The following IRAG1 variants were observed in gnomAD, a reference collection of about 807,000 sequenced individuals.
The protein encoded by IRAG1 is IP3R-associated cGMP kinase substrate.
A neutral mutation model predicts 106.2 loss-of-function variants in IRAG1; 62 were observed. The ratio of observed to expected loss-of-function variants is 0.58; its 90% confidence interval spans 0.48 to 0.72. The LOEUF is 0.72. Among genes scored for constraint, IRAG1 ranks in the 30% least tolerant of loss-of-function variants. The pLI is 0.00. For missense variants in IRAG1, 1,064 were observed against 1,140.7 expected, an observed-to-expected ratio of 0.93 and a Z score of 0.97; for synonymous variants, 462 against 443.9, an observed-to-expected ratio of 1.04 and a Z score of -0.51.
intron 2 of IRAG1, among the ~76,000 whole-genome samples, chr11:10,640,160 C>G (rs1473917938): frequency 6.6e-6 from 1 of 152,180 alleles, no homozygotes; most frequent in Non-Finnish European, 1.5e-5. Context: ...CTGATAGGAG[C>G]TTTCTCTGCT....
rs571705877 is a variant in IRAG1, at chr11:10,581,767, T to G, written c.2360+100A>C. ...TGTGGCAAGGAGGTCCTGCGGCCAC[T>G]GGTTACTTCCCTAAAGCCTCTAAGA... is the stretch of plus-strand genomic sequence containing the variant. On this transcript the variant is annotated intron_variant, in intron 19 of 20. Transcript: ENST00000423302. 70 of 1,436,120 alleles carry G rather than the reference T, an allele frequency of 4.9e-5. No homozygotes were observed. In the South Asian group the frequency reaches 9.3e-4, roughly 19 times the overall value. The allele number at this position is 1,436,120 out of a possible 1,614,324, so 89.0% of individuals were successfully genotyped here.
intron 3 of IRAG1, among the ~76,000 whole-genome samples, chr11:10,633,396 T>C (rs1166691133): frequency 6.6e-6 from 1 of 152,180 alleles, no homozygotes; most frequent in Non-Finnish European, 1.5e-5. Context: ...TTTTAACTTT[T>C]TGAAAATTAG....
At position 10,629,609 on chromosome 11, in the gene IRAG1, T is replaced by C. The variant is rs767700500; in HGVS notation, c.503A>G (p.Lys168Arg). The C allele has an allele frequency of 1.2e-6, 2 of 1,614,048 alleles. No individual in the cohort carries two copies. Among genetic ancestry groups the C allele is most frequent in the Non-Finnish European group, 1.7e-6 (2 of 1,179,894 alleles). The stretch of plus-strand genomic sequence containing the variant: ...GGTCAGGAATCGCTCACTCACCAAC[T>C]TGGCTTCTTCCAGCAGCGCCAGGTT... ...KKNLALLEEA[K>R]LVSERFLTRR... The change falls in exon 5 of 21, where the codon AAG (lysine) becomes AGG (arginine). Residue 168 changes from lysine to arginine, a missense_variant. Physicochemically the swap from Lys to Arg is conservative, Grantham distance 26. Transcript: ENST00000423302.
At chr11:10,662,436 C>T (rs566770265) in intron 1 of IRAG1, among the ~76,000 whole-genome samples, 1 of 152,350 alleles carries the variant, frequency 6.6e-6, no homozygotes, top group South Asian at 2.1e-4. Flanking sequence ...CAACTAAAAC[C>T]TCACAAAAGG....
In IRAG1 at chr11:10,580,528, G is replaced by A. The variant is rs563123836; in HGVS notation, c.2422C>T (p.Gln808Ter). 1 of 1,613,764 alleles carries A rather than the reference G, an allele frequency of 6.2e-7. No individual in the cohort carries two copies. The highest frequency in any genetic ancestry group is 1.1e-5 in the South Asian group (1 of 91,082). ...GGTTCCTCAGGACTCTCACTCTTCT[G>A]TTCTTCCTCCTCCTCCTTCAGGTCT... Reference protein sequence around the residue: ...LQDLKEEEEEQKSESPEEPEE... With the variant: ...LQDLKEEEEE Residue 808 changes from glutamine (Q) to a stop codon, truncating the protein, a stop_gained, in exon 20 of 21, where the codon CAG becomes TAG. Coordinates refer to ENST00000423302, the MANE Select transcript of IRAG1 (RefSeq NM_130385.4). LOFTEE classifies it high-confidence loss of function.
intron 1 of IRAG1, among the ~76,000 whole-genome samples, chr11:10,660,977 G>C (rs1859348221): frequency 6.6e-6 from 1 of 152,060 alleles, no homozygotes; most frequent in Non-Finnish European, 1.5e-5. Context: ...CTTACCTCTG[G>C]CCTGGTCCCT....
At chr11:10,608,970 G>T (rs1224923808) in intron 11 of IRAG1, among the ~76,000 whole-genome samples, 1 of 152,144 alleles carries the variant, frequency 6.6e-6, no homozygotes, top group East Asian at 1.9e-4. Flanking sequence ...TTAGGTCTAT[G>T]ATCCATTATG....
Position 10,665,004 on chromosome 11 carries a change from C to T in IRAG1, c.68-12822G>A, listed in dbSNP as rs139128347. Among the ~76,000 whole-genome samples the T allele has an allele frequency of 3.3e-5, 5 of 152,106 alleles. No homozygotes were observed. The highest frequency in any genetic ancestry group is 2.0e-4 in the Admixed American group (3 of 15,266). On this transcript the variant is annotated intron_variant, in intron 1 of 20. Transcript: ENST00000423302. The surrounding 1 kb of genome is among the most constrained non-coding windows in gnomAD (Gnocchi z 4.2). The stretch of plus-strand genomic sequence containing the variant: ...CCCTTTTTTCTTAAGCTGGCTTGTA[C>T]GAGCTTTTTTGGCACTTGCAATAAA...
rs1564914414 is a variant in IRAG1, at chr11:10,626,189, G to A, written c.1145C>T (p.Pro382Leu). 1.3e-6 allele frequency: 2 copies of A among 1,564,080 alleles called. No individual in the cohort carries two copies. The highest frequency in any genetic ancestry group is 2.7e-5 in the African/African-American group (2 of 73,428). ...PEAGSKAELP[P>L]TVSRPPLLRG... Reference sequence around the variant, plus strand: ...CAGCAGCGGGGGCCGGGACACAGTGGGTGGAAGCTCAGCTTTGGAGCCAGC... The same window carrying A: ...CAGCAGCGGGGGCCGGGACACAGTGAGTGGAAGCTCAGCTTTGGAGCCAGC... The change falls in exon 9 of 21, where the codon CCC (proline) becomes CTC (leucine). Residue 382 changes from proline to leucine, a missense_variant. Pro to Leu is a moderately conservative substitution (Grantham distance 98). Transcript: ENST00000423302.
chr11:10,613,099 T>C (rs1055856361), intron 10 of IRAG1, among the ~76,000 whole-genome samples: 2 of 152,082 alleles, frequency 1.3e-5, no homozygotes. Context: ...TGATGACCCA[T>C]CTATGCATTA....
intron 18 of IRAG1, chr11:10,589,262 A>C (rs1419732907): frequency 6.6e-6 from 1 of 152,230 alleles, no homozygotes; most frequent in Non-Finnish European, 1.5e-5. Flanking sequence ...CTCCAAAGCA[A>C]TGTATATTAA....
rs759576887 is a variant in IRAG1, at chr11:10,604,406, G to A, written c.1742C>T (p.Thr581Met). 1.1e-5 allele frequency: 17 copies of A among 1,613,946 alleles called. No individual in the cohort carries two copies. Among genetic ancestry groups the A allele is most frequent in the South Asian group, 3.3e-5 (3 of 91,068 alleles). ...KELENFKASI[T>M]SSASLWHHCE... ...CCTCACATCAGGCTCCACAATTACC[G>A]TAATGGAAGCTTTGAAGTTTTCCAG... Residue 581 changes from threonine (T) to methionine (M), a missense_variant and splice_region_variant, in exon 13 of 21, where the codon ACG (threonine) becomes ATG (methionine). By Grantham distance (81) the Thr-to-Met change is moderately conservative (BLOSUM62 -1). Coordinates refer to ENST00000423302, the MANE Select transcript of IRAG1 (RefSeq NM_130385.4).
Position 10,693,574 on chromosome 11 carries a change from C to T in IRAG1, c.29G>A (p.Arg10Lys). 1 of 1,535,542 alleles carries T rather than the reference C, an allele frequency of 6.5e-7. No individual in the cohort carries two copies. Among genetic ancestry groups the T allele is most frequent in the Non-Finnish European group, 8.7e-7 (1 of 1,146,878 alleles). Residue 10 changes from arginine (R) to lysine (K), a missense_variant, in exon 1 of 21, where the codon AGG (arginine) becomes AAG (lysine). Arg to Lys is a conservative substitution (Grantham distance 26, BLOSUM62 2). Coordinates refer to ENST00000423302, the MANE Select transcript of IRAG1 (RefSeq NM_130385.4). ...ATTCTCCTTTCCTCCTCTGGCCAGC[C>T]TCTCTTCACTCTGGGGAGCTTTTAC... MVKAPQSEE[R>K]LARGGKENNS... is the part of the protein sequence containing the mutation.
In IRAG1 at chr11:10,628,830, T is replaced by C; in HGVS notation, c.575-2A>G. 6.3e-7 allele frequency: 1 copy of C among 1,577,866 alleles called. No individual in the cohort carries two copies. Among genetic ancestry groups the C allele is most frequent in the Non-Finnish European group, 8.6e-7 (1 of 1,163,130 alleles). On this transcript the variant is annotated splice_acceptor_variant, in intron 5 of 20. Coordinates refer to ENST00000423302, the MANE Select transcript of IRAG1 (RefSeq NM_130385.4). LOFTEE classifies it high-confidence loss of function. This position sits in a 1 kb window ranked among gnomAD's most constrained non-coding sequence, Gnocchi z 4.1. Reference sequence around the variant, plus strand: ...TGGGGCTGAGGTTCGGGGAAACAGCTGTGAAGACAGACACAAATTGGCTGG... The same window carrying C: ...TGGGGCTGAGGTTCGGGGAAACAGCCGTGAAGACAGACACAAATTGGCTGG...
intron 10 of IRAG1, 52 bp from the exon 11 acceptor site, chr11:10,609,903 C>A: frequency 6.3e-7 from 1 of 1,577,654 alleles, no homozygotes. Context: ...CACAGTAGTA[C>A]TGTTGGCAGC....
At chr11:10,600,072 T>A (rs1363532055) in intron 15 of IRAG1, 1 of 152,194 alleles carries the variant, frequency 6.6e-6, no homozygotes, top group Non-Finnish European at 1.5e-5. Flanking sequence ...ACCCCCAACC[T>A]CCACACCTTT....
intron 18 of IRAG1, chr11:10,586,176 G>A (rs1408875063): frequency 6.6e-6 from 1 of 152,138 alleles, no homozygotes; most frequent in Non-Finnish European, 1.5e-5. Context: ...GTGGAGGGTG[G>A]GTAGGGGGGA....
At chr11:10,611,147 G>T (rs1343620395) in intron 10 of IRAG1, among the ~76,000 whole-genome samples, 1 of 152,204 alleles carries the variant, frequency 6.6e-6, no homozygotes, top group Non-Finnish European at 1.5e-5. Flanking sequence ...AGAATGGTAG[G>T]CATGGATTCC....
At position 10,634,753 on chromosome 11, in the gene IRAG1, T is replaced by TTGCGTGTGTGTG. The variant is rs1857008378; in HGVS notation, c.226-683_226-682insCACACACACGCA. On this transcript the variant is annotated intron_variant, in intron 2 of 20. Transcript: ENST00000423302. ...CTTTTTTTAAGGATGAATAATATTC[T>TTGCGTGTGTGTG]TGTGTGTGTGTGTGTGTGTGTGTGT... Among the ~76,000 whole-genome samples the TTGCGTGTGTGTG allele has an allele frequency of 3.4e-5, 5 of 144,936 alleles. No individual in the cohort carries two copies. In the South Asian group the frequency reaches 1.1e-3, roughly 33 times the overall value.
Sources: gnomAD v4.1 joint callset for allele counts (sites outside exome capture counted in the v4.1 genomes callset) on GRCh38, gnomAD v4.1.1 for gene constraint, Gnocchi (gnomAD v3.1) non-coding constraint, MANE v1.5 for transcripts, NCBI Gene and HGNC (gene_info 2026-07-23, HGNC 2026-07-21) for gene names.